The following DNAI3 variants were observed in gnomAD, a reference collection of about 807,000 sequenced individuals.
DNAI3 encodes the protein dynein axonemal intermediate chain 3, also known as WD repeat domain 63.
A neutral mutation model predicts 115.5 loss-of-function variants in DNAI3; 83 were observed. That is an observed-to-expected ratio of 0.72 (90% CI 0.60 to 0.86). DNAI3 has a LOEUF of 0.86. DNAI3 is among the 40% of genes least tolerant of loss of function. DNAI3 has a pLI of 0.00. For missense variants in DNAI3, 1,004 were observed against 1,075.8 expected (o/e 0.93, Z 0.93); for synonymous variants, 320 against 347.0 (o/e 0.92, Z 0.86).
chr1:85,120,566 A>G (rs1485460400), intron 17 of DNAI3, among the ~76,000 whole-genome samples: 1 of 152,206 alleles, frequency 6.6e-6, no homozygotes, highest in African/African-American at 2.4e-5. Context: ...TGTTTCATGT[A>G]CTGGCTATGA....
At chr1:85,125,917 A>G (rs1404103079) in intron 19 of DNAI3, among the ~76,000 whole-genome samples, 2 of 152,214 alleles carry the variant, frequency 1.3e-5, no homozygotes, top group African/African-American at 2.4e-5. Context: ...CCCATGGTAG[A>G]GAAAAGAGAA....
At chr1:85,105,556 A>G (rs1655465257) in intron 14 of DNAI3, among the ~76,000 whole-genome samples, 1 of 151,614 alleles carries the variant, frequency 6.6e-6, no homozygotes, top group African/African-American at 2.4e-5. Flanking sequence ...AAGAAAAAGA[A>G]AGAAAGAAAA....
intron 8 of DNAI3, among the ~76,000 whole-genome samples, chr1:85,092,500 C>G (rs1199710477): frequency 1.3e-5 from 2 of 151,964 alleles, no homozygotes; most frequent in African/African-American, 4.8e-5. Context: ...CCTTGGGTGG[C>G]ATTCTAATTG....
At chr1:85,082,569 C>G (rs555394890) in intron 5 of DNAI3, among the ~76,000 whole-genome samples, 165 bp downstream of exon 5, 1 of 152,232 alleles carries the variant, frequency 6.6e-6, no homozygotes. Flanking sequence ...CTCAGCCCCC[C>G]AAGTAGCTGA....
chr1:85,069,382 C>T (rs1654197181), intron 1 of DNAI3, among the ~76,000 whole-genome samples: 1 of 151,610 alleles, frequency 6.6e-6, no homozygotes, highest in African/African-American at 2.4e-5. Flanking sequence ...ATATTTTCCT[C>T]CTTTATTTGT....
intron 5 of DNAI3, among the ~76,000 whole-genome samples, chr1:85,082,730 T>C (rs922107693): frequency 2.0e-5 from 3 of 152,214 alleles, no homozygotes; most frequent in Non-Finnish European, 2.9e-5. Flanking sequence ...TAGTGATGAT[T>C]ATTCTTGTTC....
intron 1 of DNAI3, among the ~76,000 whole-genome samples, chr1:85,069,053 G>GTA (rs1654186403): frequency 6.6e-6 from 1 of 152,198 alleles, no homozygotes; most frequent in Admixed American, 6.5e-5. Context: ...GTTTGTTACC[G>GTA]TATGTCACTG....
chr1:85,095,959 T>C lies in DNAI3; in HGVS notation c.1202T>C (p.Phe401Ser). Residue 401 changes from phenylalanine (F) to serine (S), a missense_variant, in exon 11 of 23, where the codon TTC (phenylalanine) becomes TCC (serine). Physicochemically the swap from Phe to Ser is radical, Grantham distance 155. Coordinates refer to ENST00000294664, the MANE Select transcript of DNAI3 (RefSeq NM_145172.5). ...ATGCTGGAGAGCCCAGATGACATCTTCTGCTTCAAGTTCTGTCCGAGTGAT... is the reference window on the plus strand; with the variant it reads ...ATGCTGGAGAGCCCAGATGACATCTCCTGCTTCAAGTTCTGTCCGAGTGAT... ...QLMLESPDDI[F>S]CFKFCPSDPN... 1 of 1,614,018 alleles carries C rather than the reference T, an allele frequency of 6.2e-7. No homozygotes were observed. Among genetic ancestry groups the C allele is most frequent in the African/African-American group, 1.3e-5 (1 of 75,056 alleles).
At chr1:85,120,097 C>T (rs952358333) in intron 17 of DNAI3, among the ~76,000 whole-genome samples, 10 of 152,240 alleles carry the variant, frequency 6.6e-5, no homozygotes, top group African/African-American at 1.4e-4. Flanking sequence ...ACTCACTGCA[C>T]ATTTAATATA....
intron 19 of DNAI3, among the ~76,000 whole-genome samples, chr1:85,125,780 G>C (rs1322239565): frequency 2.6e-5 from 4 of 152,186 alleles, no homozygotes; most frequent in African/African-American, 9.6e-5. Context: ...ACAGCTCCAT[G>C]ATTTAGTTTA....
At chr1:85,132,298 G>C (rs1325291745) in intron 22 of DNAI3, among the ~76,000 whole-genome samples, 1 of 152,244 alleles carries the variant, frequency 6.6e-6, no homozygotes, top group Non-Finnish European at 1.5e-5. Context: ...CAGGTGCCAG[G>C]TTGAGGCTGT....
In DNAI3 at chr1:85,133,112, C is replaced by T; in HGVS notation, c.*114C>T. The T allele has an allele frequency of 8.2e-7, 1 of 1,216,654 alleles. No homozygotes were observed. The highest frequency in any genetic ancestry group is 1.1e-6 in the Non-Finnish European group (1 of 923,016). The allele number at this position is 1,216,654 out of a possible 1,614,324, so 75.4% of individuals were successfully genotyped here. On this transcript the variant is annotated 3_prime_UTR_variant, in exon 23 of 23. Transcript: ENST00000294664. ...TAGGCTCATTTATAGACTTTTATTT[C>T]CCTGCTATTAAAACTTTTGAATTTT...
At chr1:85,128,579 T>C (rs963088392) in intron 20 of DNAI3, 129 bp from the exon 21 acceptor site, 66 of 683,108 alleles carry the variant, frequency 9.7e-5, no homozygotes, top group Non-Finnish European at 1.4e-4. Context: ...CTGATGAAAA[T>C]GCCAAGATCA....
rs1312117313 is a variant in DNAI3 at position 85,085,948 on chromosome 1, A to G, written c.658A>G (p.Asn220Asp). 2 of 1,614,050 alleles carry G rather than the reference A, an allele frequency of 1.2e-6. No homozygotes were observed. Among genetic ancestry groups the G allele is most frequent in the East Asian group, 4.5e-5 (2 of 44,884 alleles). The change falls in exon 7 of 23, where the codon AAT becomes GAT. Residue 220 changes from asparagine to aspartate, a missense_variant. Coordinates refer to ENST00000294664, the MANE Select transcript of DNAI3 (RefSeq NM_145172.5). The part of the protein sequence containing the change: ...YIECTAYPDK[N>D]FTLKQLEKDV... ...TGAATGTACAGCCTACCCAGATAAA[A>G]ATTTTACCCTTAAACAACTTGAAAA...
chr1:85,125,317 G>T (rs540830049), intron 19 of DNAI3, among the ~76,000 whole-genome samples: 1 of 151,934 alleles, frequency 6.6e-6, no homozygotes, highest in East Asian at 1.9e-4. Context: ...GGCATATAAT[G>T]TGGATATATA....
intron 18 of DNAI3, 94 bp from the exon 19 acceptor site, chr1:85,124,027 G>A: frequency 1.3e-6 from 2 of 1,540,156 alleles, no homozygotes; most frequent in Non-Finnish European, 1.8e-6. Flanking sequence ...CCATTCATGG[G>A]GCCCTGTCTG....
intron 1 of DNAI3, among the ~76,000 whole-genome samples, chr1:85,063,649 A>G (rs1290543228): frequency 2.6e-5 from 4 of 152,164 alleles, no homozygotes; most frequent in Non-Finnish European, 5.9e-5. Context: ...CATTTCTACA[A>G]TCTGGAAGAG....
chr1:85,131,780 A>T (rs1656331827), intron 22 of DNAI3, among the ~76,000 whole-genome samples: 1 of 152,224 alleles, frequency 6.6e-6, no homozygotes, highest in Admixed American at 6.5e-5. Flanking sequence ...TAAATACCAT[A>T]GCAACAGCTC....
rs200289852 is a variant in DNAI3 at position 85,084,586 on chromosome 1, A to G, written c.431A>G (p.His144Arg). ...GAAGAACAAGAAGAATATAAAGAAC[A>G]TATTCCTGAAGATGTGTATATTTAT... ...VPEEQEEYKE[H>R]IPEDVYIYKP... The change falls in exon 6 of 23, where the codon CAT (histidine) becomes CGT (arginine). Residue 144 changes from histidine to arginine, a missense_variant. His to Arg is a conservative substitution (Grantham distance 29). This residue lies in a region of DNAI3 where 550 missense variants were observed against 568.1 expected (regional missense o/e 0.97). Coordinates refer to ENST00000294664, the MANE Select transcript of DNAI3 (RefSeq NM_145172.5). 1.9e-6 allele frequency: 3 copies of G among 1,546,642 alleles called. No individual in the cohort carries two copies. Among genetic ancestry groups the G allele is most frequent in the South Asian group, 1.3e-5 (1 of 78,650 alleles).
Sources: gnomAD v4.1 joint callset for allele counts (sites outside exome capture counted in the v4.1 genomes callset) on GRCh38, gnomAD v4.1.1 for gene constraint, gnomAD v4.1.1 regional missense constraint, MANE v1.5 for transcripts, NCBI Gene and HGNC (gene_info 2026-07-23, HGNC 2026-07-21) for gene names.